OCA2: variants seen among roughly 807,000 people sequenced by gnomAD.
The protein encoded by OCA2 is P protein.
In OCA2, 77 loss-of-function variants were observed where a neutral mutation model predicts 100.2. The observed-to-expected ratio is 0.77, with a 90% CI of 0.64 to 0.93. The LOEUF (loss-of-function observed/expected upper bound fraction) is 0.93, where lower values mean the gene tolerates loss of function less well. OCA2 is among the 40% of genes least tolerant of loss of function. The probability of loss-of-function intolerance (pLI) is 0.00; values close to 1 mark genes in which losing one functional copy is unlikely to be tolerated. For missense variants in OCA2, 1,062 were observed against 1,089.1 expected (o/e 0.98, Z 0.35); for synonymous variants, 432 against 439.2 (o/e 0.98, Z 0.21).
rs147154633 is a variant in OCA2 at position 27,814,283 on chromosome 15, A to G, written c.2432+30676T>C. 4.2e-3 allele frequency among the ~76,000 whole-genome samples: 634 copies of G among 152,326 alleles called. 6 individuals carry two copies. The highest frequency in any genetic ancestry group is 0.015 in the African/African-American group (614 of 41,568). ...AAGAATGTGATAATACAGAAGCATG[A>G]AAAATATTGAATAAGATAGAAGACT... On this transcript the variant is annotated intron_variant, in intron 23 of 23. Coordinates refer to ENST00000354638, the MANE Select transcript of OCA2 (RefSeq NM_000275.3).
At chr15:28,032,837 T>C (rs963991177) in intron 2 of OCA2, among the ~76,000 whole-genome samples, 4 of 151,244 alleles carry the variant, frequency 2.6e-5, no homozygotes, top group Admixed American at 1.3e-4. Flanking sequence ...CAGAGTCTCA[T>C]TGGTGCTTTT....
intron 20 of OCA2, 52 bp downstream of exon 20, chr15:27,871,811 C>T: frequency 8.0e-7 from 1 of 1,249,436 alleles, no homozygotes. Context: ...ATTTTTTTCA[C>T]AAAATCAAAG....
intron 1 of OCA2, among the ~76,000 whole-genome samples, chr15:28,092,618 C>T (rs2044889562): frequency 6.6e-6 from 1 of 152,112 alleles, no homozygotes; most frequent in Admixed American, 6.6e-5. Flanking sequence ...CTCCCAAAGT[C>T]CTGGGATTAC....
chr15:28,067,425 G>A (rs2044059592), intron 2 of OCA2, among the ~76,000 whole-genome samples: 1 of 152,134 alleles, frequency 6.6e-6, no homozygotes, highest in Non-Finnish European at 1.5e-5. Flanking sequence ...TCCTTTAGGT[G>A]TAAAGTTAGA....
intron 23 of OCA2, among the ~76,000 whole-genome samples, chr15:27,801,777 A>G (rs2033626451): frequency 1.3e-5 from 2 of 152,064 alleles, no homozygotes. Context: ...TAAACAAGCA[A>G]TTTCTTAACT....
intron 14 of OCA2, among the ~76,000 whole-genome samples, chr15:27,968,198 A>C (rs1443705050): frequency 6.6e-6 from 1 of 152,180 alleles, no homozygotes. Context: ...CTGTGCAGGC[A>C]CCTCCTGAGC....
intron 23 of OCA2, among the ~76,000 whole-genome samples, chr15:27,826,352 C>T (rs2034721876): frequency 1.1e-5 from 1 of 88,782 alleles, no homozygotes; most frequent in Non-Finnish European, 1.9e-5. Flanking sequence ...AGGAACTTCC[C>T]ACACACACAC....
At chr15:27,931,315 A>T (rs941651684) in intron 18 of OCA2, among the ~76,000 whole-genome samples, 2 of 152,058 alleles carry the variant, frequency 1.3e-5, no homozygotes, top group Admixed American at 1.3e-4. Flanking sequence ...ATTTTATTTT[A>T]TCTATTTATT....
chr15:28,096,549 G>A (rs1381871302), intron 1 of OCA2, among the ~76,000 whole-genome samples: 1 of 152,198 alleles, frequency 6.6e-6, no homozygotes, highest in Non-Finnish European at 1.5e-5. Flanking sequence ...GCCGGTCCTG[G>A]GCTGAGACAG....
intron 21 of OCA2, among the ~76,000 whole-genome samples, chr15:27,865,085 T>C (rs2036271203): frequency 6.6e-6 from 1 of 151,952 alleles, no homozygotes; most frequent in Non-Finnish European, 1.5e-5. Context: ...TCTCAGGCCA[T>C]AGCTGACAAC....
chr15:28,034,282 G>A (rs2042987869), intron 2 of OCA2, among the ~76,000 whole-genome samples: 1 of 151,738 alleles, frequency 6.6e-6, no homozygotes, highest in Non-Finnish European at 1.5e-5. Context: ...AGACCCTCTT[G>A]CTTTAAAAAA....
intron 23 of OCA2, among the ~76,000 whole-genome samples, chr15:27,809,649 T>A (rs1381697548): frequency 1.3e-5 from 2 of 152,174 alleles, no homozygotes; most frequent in African/African-American, 4.8e-5. Flanking sequence ...ACTCCCAGAT[T>A]TGACAAACTT....
chr15:27,985,354 G>A (rs2041319034), intron 12 of OCA2, among the ~76,000 whole-genome samples, 166 bp from the exon 13 acceptor site: 1 of 152,156 alleles, frequency 6.6e-6, no homozygotes, highest in African/African-American at 2.4e-5. Flanking sequence ...AGACAGTGCT[G>A]GCCATCGAAG....
At chr15:28,078,330 T>C (rs1247251419) in intron 2 of OCA2, among the ~76,000 whole-genome samples, 1 of 152,170 alleles carries the variant, frequency 6.6e-6, no homozygotes, top group Non-Finnish European at 1.5e-5. Flanking sequence ...GATGCCTGAG[T>C]GGCTCCCAGG....
At chr15:27,906,256 A>T (rs934643233) in intron 19 of OCA2, among the ~76,000 whole-genome samples, 12 of 152,242 alleles carry the variant, frequency 7.9e-5, no homozygotes, top group Non-Finnish European at 1.3e-4. Flanking sequence ...ATCATTACAT[A>T]TTGTATTATT....
At chr15:27,893,975 C>T (rs2037577737) in intron 19 of OCA2, among the ~76,000 whole-genome samples, 1 of 152,154 alleles carries the variant, frequency 6.6e-6, no homozygotes, top group Non-Finnish European at 1.5e-5. Flanking sequence ...TTTGTACTTA[C>T]TCTCTGTTCT....
chr15:27,947,610 G>A (rs887848800), intron 18 of OCA2, among the ~76,000 whole-genome samples: 4 of 152,222 alleles, frequency 2.6e-5, no homozygotes, highest in Non-Finnish European at 4.4e-5. Flanking sequence ...GGGTGCGGTC[G>A]CATGGCCTCG....
intron 14 of OCA2, among the ~76,000 whole-genome samples, chr15:27,982,190 T>C (rs367666746): frequency 2.2e-4 from 34 of 152,332 alleles, no homozygotes; most frequent in African/African-American, 7.9e-4. Flanking sequence ...CACTCTAGGA[T>C]GCTATTTGCA....
At chr15:27,943,855 G>A (rs1467237445) in intron 18 of OCA2, among the ~76,000 whole-genome samples, 1 of 152,120 alleles carries the variant, frequency 6.6e-6, no homozygotes, top group East Asian at 1.9e-4. Flanking sequence ...GTCGCACCTT[G>A]CCGGACTGAA....
Sources: gnomAD v4.1 joint callset for allele counts (sites outside exome capture counted in the v4.1 genomes callset) on GRCh38, gnomAD v4.1.1 for gene constraint, MANE v1.5 for transcripts, NCBI Gene and HGNC (gene_info 2026-07-23, HGNC 2026-07-21) for gene names.